Variants in NAV3 observed in about 807,000 individuals in gnomAD.
NAV3 encodes neuron navigator 3, also known as pore membrane and/or filament interacting like protein 1.
A neutral mutation model predicts 244.7 loss-of-function variants in NAV3; 87 were observed. That is an observed-to-expected ratio of 0.36 (90% CI 0.30 to 0.42). The LOEUF is 0.42. Among genes scored for constraint, NAV3 ranks in the 20% least tolerant of loss-of-function variants. NAV3 has a pLI of 1.00. For missense variants in NAV3, 2,663 were observed against 2,893.3 expected (o/e 0.92, Z 1.83); for synonymous variants, 1,126 against 1,042.2 (o/e 1.08, Z -1.55).
At chr12:77,989,530 A>G (rs1438441637) in intron 5 of NAV3, among the ~76,000 whole-genome samples, 1 of 152,176 alleles carries the variant, frequency 6.6e-6, no homozygotes, top group African/African-American at 2.4e-5. Context: ...ATCTATAAAC[A>G]TCTGAGAGTG....
At chr12:77,988,303 TA>T (rs897627856) in intron 5 of NAV3, among the ~76,000 whole-genome samples, 1 of 152,168 alleles carries the variant, frequency 6.6e-6, no homozygotes, top group Non-Finnish European at 1.5e-5. Flanking sequence ...TAGTGATTAG[TA>T]AAAATGTGTA....
At chr12:78,004,849 G>A (rs2136528161) in intron 7 of NAV3, among the ~76,000 whole-genome samples, 1 of 152,300 alleles carries the variant, frequency 6.6e-6, no homozygotes, top group South Asian at 2.1e-4. Flanking sequence ...GTACTCGCCT[G>A]AGAATGATGT....
chr12:77,973,475 A>C (rs781060152), intron 5 of NAV3, among the ~76,000 whole-genome samples: 7 of 152,154 alleles, frequency 4.6e-5, no homozygotes, highest in South Asian at 2.1e-4. Flanking sequence ...ACTTTCAAAG[A>C]TGAACGTGCT....
At chr12:78,116,601 C>T (rs1225182539) in intron 12 of NAV3, among the ~76,000 whole-genome samples, 171 bp from the exon 13 acceptor site, 3 of 151,960 alleles carry the variant, frequency 2.0e-5, no homozygotes, top group African/African-American at 7.3e-5. Flanking sequence ...TTATGTAGAC[C>T]CTCAGTTCAT....
intron 2 of NAV3, among the ~76,000 whole-genome samples, chr12:77,616,609 G>A (rs1053985930): frequency 2.6e-5 from 4 of 152,068 alleles, no homozygotes; most frequent in African/African-American, 7.2e-5. Context: ...TAAGTTACTT[G>A]CCTAAGTTGA....
chr12:77,636,262 C>T (rs551336159), intron 2 of NAV3, among the ~76,000 whole-genome samples: 231 of 152,014 alleles, frequency 1.5e-3, no homozygotes, highest in African/African-American at 5.3e-3. Flanking sequence ...GTCAGGAGAT[C>T]GAGACCATCC....
chr12:78,092,125 A>G (rs1953978336), intron 12 of NAV3, among the ~76,000 whole-genome samples: 1 of 152,190 alleles, frequency 6.6e-6, no homozygotes, highest in Non-Finnish European at 1.5e-5. Context: ...GAATTTTGCA[A>G]AATTTCTTGA....
chr12:78,107,334 A>G (rs578084129), intron 12 of NAV3, among the ~76,000 whole-genome samples: 2 of 152,298 alleles, frequency 1.3e-5, no homozygotes, highest in South Asian at 2.1e-4. Flanking sequence ...ACTTAATTAA[A>G]TAATATATGA....
chr12:77,966,206 T>C, intron 3 of NAV3, 23 bp from the exon 4 acceptor site: 2 of 1,611,412 alleles, frequency 1.2e-6, no homozygotes, highest in Middle Eastern at 1.7e-4. Flanking sequence ...TAAGTTGCTT[T>C]TTCACTGCTT....
chr12:77,904,953 TAA>T (rs4017094), intron 1 of NAV3, among the ~76,000 whole-genome samples: 16,750 of 148,666 alleles, frequency 0.11, 1,063 homozygotes, highest in South Asian at 0.21. Context: ...GTATCTTATT[TAA>T]AAAAAAAAAG....
intron 1 of NAV3, among the ~76,000 whole-genome samples, chr12:77,929,447 A>G (rs1255593288): frequency 6.6e-6 from 1 of 152,154 alleles, no homozygotes; most frequent in Non-Finnish European, 1.5e-5. Context: ...GGGAGACACC[A>G]GTATCTAGCT....
intron 12 of NAV3, among the ~76,000 whole-genome samples, chr12:78,061,527 A>G (rs767271598): frequency 6.6e-6 from 1 of 152,130 alleles, no homozygotes; most frequent in Non-Finnish European, 1.5e-5. Flanking sequence ...ATTAAATTGC[A>G]AAAAGGTCAT....
At chr12:78,164,515 A>G (rs970267674) in intron 23 of NAV3, among the ~76,000 whole-genome samples, 3 of 152,234 alleles carry the variant, frequency 2.0e-5, no homozygotes, top group African/African-American at 7.2e-5. Context: ...TTACGTTATG[A>G]TATTTGCCAT....
intron 1 of NAV3, among the ~76,000 whole-genome samples, chr12:77,925,284 T>C (rs1344958406): frequency 7.2e-5 from 11 of 152,154 alleles, no homozygotes; most frequent in Admixed American, 7.2e-4. Context: ...TAAAATTTGG[T>C]TTAGAGGCTT....
intron 2 of NAV3, among the ~76,000 whole-genome samples, chr12:77,726,191 T>G (rs1876869601): frequency 6.6e-6 from 1 of 151,978 alleles, no homozygotes; most frequent in Non-Finnish European, 1.5e-5. Flanking sequence ...TTTCCAGAGT[T>G]GAAATACTAT....
chr12:77,715,737 A>G (rs865875180), intron 2 of NAV3, among the ~76,000 whole-genome samples: 3 of 152,144 alleles, frequency 2.0e-5, no homozygotes, highest in Middle Eastern at 6.8e-3. Flanking sequence ...CAGGCTGAGT[A>G]TCAAACCTCT....
intron 7 of NAV3, among the ~76,000 whole-genome samples, chr12:78,000,895 G>T (rs1445356538): frequency 2.7e-5 from 4 of 150,040 alleles, no homozygotes; most frequent in African/African-American, 9.8e-5. Flanking sequence ...GGAGAATGGC[G>T]TGAACCTGGG....
chr12:77,878,315 T>G (rs923992472), intron 1 of NAV3, among the ~76,000 whole-genome samples: 1 of 152,076 alleles, frequency 6.6e-6, no homozygotes, highest in Non-Finnish European at 1.5e-5. Context: ...AACCTCCACC[T>G]CCCTGGTTCA....
Position 77,755,507 on chromosome 12 carries a change from C to T in NAV3, c.72+183241C>T, listed in dbSNP as rs190638735. ...CCTCCCTTTCTCTTTCCCTCCCTCCCTGTGCCTTTCCTTTCCTTTCCTTTC... is the reference window on the plus strand; with the variant it reads ...CCTCCCTTTCTCTTTCCCTCCCTCCTTGTGCCTTTCCTTTCCTTTCCTTTC... On this transcript the variant is annotated intron_variant, in intron 2 of 8. Coordinates refer to the NAV3 transcript ENST00000550042. Among the ~76,000 whole-genome samples the T allele has an allele frequency of 1.3e-4, 18 of 137,560 alleles. No individual in the cohort carries two copies. The East Asian group carries it at 3.8e-3, about 29-fold the overall frequency. 90.2% of individuals were successfully genotyped at this position (137,560 alleles called of 152,430 possible).
Sources: allele counts gnomAD v4.1 joint callset (sites outside exome capture counted in the v4.1 genomes callset), GRCh38; gene constraint gnomAD v4.1.1; transcripts MANE v1.5; gene names NCBI Gene and HGNC (gene_info 2026-07-23, HGNC 2026-07-21).